Variants in DSG4 observed in about 807,000 individuals in gnomAD.
The protein encoded by DSG4 is desmoglein 4.
Under a neutral mutation model 93.1 loss-of-function variants are expected in DSG4, and 87 were observed. The observed-to-expected ratio is 0.93, with a 90% confidence interval of 0.79 to 1.12. The LOEUF is 1.12. DSG4 is among the 50% of genes most tolerant of loss of function. DSG4 has a pLI of 0.00. For missense variants in DSG4, 1,373 were observed against 1,285.7 expected (o/e 1.07, Z -1.04); for synonymous variants, 432 against 452.9 (o/e 0.95, Z 0.59).
intron 2 of DSG4, among the ~76,000 whole-genome samples, chr18:31,385,566 T>C (rs529694620): frequency 6.6e-6 from 1 of 152,262 alleles, no homozygotes; most frequent in African/African-American, 2.4e-5. Flanking sequence ...TAATCCCAAC[T>C]AAATGGAAAA....
intron 3 of DSG4, among the ~76,000 whole-genome samples, chr18:31,387,384 G>A (rs1401936197): frequency 1.3e-5 from 2 of 152,132 alleles, no homozygotes; most frequent in Non-Finnish European, 2.9e-5. Context: ...ATCCTGAACA[G>A]TAAAGTGATC....
intron 14 of DSG4, 168 bp from the exon 15 acceptor site, chr18:31,411,063 A>G: frequency 6.6e-7 from 1 of 1,523,234 alleles, no homozygotes; most frequent in Non-Finnish European, 8.8e-7. Context: ...TTATTTGGTC[A>G]ACAAGCCTGG....
chr18:31,406,381 C>T lies in DSG4; in HGVS notation c.1933+8C>T, dbSNP rs747598460. 4 of 1,614,080 alleles carry T rather than the reference C, an allele frequency of 2.5e-6. No homozygotes were observed. The highest frequency in any genetic ancestry group is 3.4e-6 in the Non-Finnish European group (4 of 1,180,024). On this transcript the variant is annotated splice_region_variant and intron_variant, in intron 12 of 15. Coordinates refer to ENST00000308128, the MANE Select transcript of DSG4 (RefSeq NM_177986.5). ...GCATCCTGCTACTGATTTGTAAGTA[C>T]TCAATTAAATCCTTCTTTTCAATAG...
intron 1 of DSG4, among the ~76,000 whole-genome samples, chr18:31,377,927 C>G (rs989412483): frequency 1.3e-5 from 2 of 152,212 alleles, no homozygotes; most frequent in Non-Finnish European, 2.9e-5. Flanking sequence ...GGCAATTATA[C>G]CAGACTCCTC....
In DSG4 at chr18:31,399,399, A is replaced by G; in HGVS notation, c.1133A>G (p.Asp378Gly). ...ACCCCTGTGAGAATTCAAGTTGTTG[A>G]TGTGAGAGAAGGACCTGCATTTCAT... ...HPTPVRIQVV[D>G]VREGPAFHPS... Residue 378 changes from aspartate to glycine, a missense_variant, in exon 9 of 16, where the codon GAT (aspartate) becomes GGT (glycine). Transcript: ENST00000308128. 1 of 1,614,118 alleles carries G rather than the reference A, an allele frequency of 6.2e-7. No homozygotes were observed. Among genetic ancestry groups the G allele is most frequent in the Non-Finnish European group, 8.5e-7 (1 of 1,179,968 alleles).
intron 4 of DSG4, 100 bp downstream of exon 4, chr18:31,388,622 G>A (rs1023602402): frequency 2.0e-6 from 3 of 1,506,902 alleles, no homozygotes; most frequent in Non-Finnish European, 2.7e-6. Flanking sequence ...ATAAAACATG[G>A]CAGACTGAAC....
intron 14 of DSG4, 98 bp from the exon 15 acceptor site, chr18:31,411,133 G>A (rs772656413): frequency 5.0e-5 from 80 of 1,612,540 alleles, no homozygotes; most frequent in Non-Finnish European, 6.4e-5. Context: ...ACGCCTTGCC[G>A]GGTGGTGGTG....
rs374202878 is a variant in DSG4, at chr18:31,390,836, T to C, written c.684+14T>C. On this transcript the variant is annotated intron_variant, in intron 6 of 15. Coordinates refer to ENST00000308128, the MANE Select transcript of DSG4 (RefSeq NM_177986.5). ...TTGGACAGAGAGGTAAAGCCTTCTG[T>C]GAATGAACAAGAACTAAAAAATTCA... 8.7e-6 allele frequency: 14 copies of C among 1,612,032 alleles called. No homozygotes were observed. The highest frequency in any genetic ancestry group is 9.3e-6 in the Non-Finnish European group (11 of 1,178,984).
chr18:31,386,427 C>T (rs1043981878), intron 2 of DSG4, among the ~76,000 whole-genome samples: 3 of 152,122 alleles, frequency 2.0e-5, no homozygotes, highest in African/African-American at 7.2e-5. Flanking sequence ...CAGTATGGCA[C>T]ATCATGAGCT....
rs59818622 is a variant in DSG4 at position 31,413,721 on chromosome 18, G to A, written c.*126G>A. The A allele has an allele frequency of 3.8e-3, 4,862 of 1,284,246 alleles. 145 individuals carry two copies. In the African/African-American group the frequency reaches 0.065, roughly 17 times the overall value. The allele number at this position is 1,284,246 out of a possible 1,614,324, so 79.6% of individuals were successfully genotyped here. On this transcript the variant is annotated 3_prime_UTR_variant, in exon 16 of 16. Transcript: ENST00000308128. Reference sequence around the variant, plus strand: ...AATACTCAGATATTCTAAGGTCAATGCCATTATTTGATTATACCATTTTGA... The same window carrying A: ...AATACTCAGATATTCTAAGGTCAATACCATTATTTGATTATACCATTTTGA...
In DSG4 at chr18:31,411,309, G is replaced by C. The variant is rs1424462173; in HGVS notation, c.2216G>C (p.Gly739Ala). Residue 739 changes from glycine (G) to alanine (A), a missense_variant, in exon 15 of 16, where the codon GGG becomes GCG. By Grantham distance (60) the Gly-to-Ala change is moderately conservative. Coordinates refer to ENST00000308128, the MANE Select transcript of DSG4 (RefSeq NM_177986.5). ...GGAGTGGAGCTCAACACAGGTATGG[G>C]GACAGCCGTTGGCCTCATGGCCGCA... Reference protein sequence around the residue: ...VSGVELNTGMGTAVGLMAAGA... With the variant: ...VSGVELNTGMATAVGLMAAGA... 1.2e-6 allele frequency: 2 copies of C among 1,612,368 alleles called. No individual in the cohort carries two copies. Among genetic ancestry groups the C allele is most frequent in the Non-Finnish European group, 1.7e-6 (2 of 1,180,006 alleles).
At chr18:31,412,727 C>T (rs553742993) in intron 15 of DSG4, 101 bp from the exon 16 acceptor site, 53 of 1,232,896 alleles carry the variant, frequency 4.3e-5, no homozygotes, top group Admixed American at 2.2e-4. Flanking sequence ...CAGTTTATTC[C>T]GTAACAACTT....
Position 31,411,295 on chromosome 18 carries a change from C to G in DSG4, c.2202C>G (p.Leu734=). ...AAGGAGGTGTATCGGGAGTGGAGCT[C>G]AACACAGGTATGGGGACAGCCGTTG... The part of the protein sequence containing the change: ...TVEGGVSGVE[L]NTGMGTAVGL... The change falls in exon 15 of 16, where the codon CTC becomes CTG. Residue 734 remains leucine (L), a synonymous_variant. Transcript: ENST00000308128. 2 of 1,612,784 alleles carry G rather than the reference C, an allele frequency of 1.2e-6. No homozygotes were observed. The highest frequency in any genetic ancestry group is 1.7e-6 in the Non-Finnish European group (2 of 1,180,002).
At chr18:31,399,250 T>G in intron 8 of DSG4, 22 bp from the exon 9 acceptor site, 1 of 1,613,610 alleles carries the variant, frequency 6.2e-7, no homozygotes, top group South Asian at 1.1e-5. Flanking sequence ...GTTTCAGAGT[T>G]TTTTATTTTC....
In DSG4 at chr18:31,392,303, A is replaced by G. The variant is rs767724665; in HGVS notation, c.968A>G (p.Asp323Gly). 2 of 1,613,810 alleles carry G rather than the reference A, an allele frequency of 1.2e-6. No individual in the cohort carries two copies. Among genetic ancestry groups the G allele is most frequent in the East Asian group, 4.5e-5 (2 of 44,782 alleles). Residue 323 changes from aspartate to glycine, a missense_variant, in exon 8 of 16, where the codon GAT becomes GGT. Asp to Gly is a moderately conservative substitution (Grantham distance 94). Coordinates refer to ENST00000308128, the MANE Select transcript of DSG4 (RefSeq NM_177986.5). The stretch of plus-strand genomic sequence containing the variant: ...GGGAATTGGTTCGATATTCAAACAG[A>G]TCCACAAACCAATGAAGGCATTTTG... ...NDGNWFDIQT[D>G]PQTNEGILKV...
chr18:31,390,795 C>A lies in DSG4; in HGVS notation c.657C>A (p.Cys219Ter). ...TGAATAGGTACACTGGAGAAGTCTG[C>A]ACCATGTCCAGTTTCTTGGACAGAG... ...FILNRYTGEVCTMSSFLDREQ... is the reference protein window; with the variant it reads ...FILNRYTGEV The change falls in exon 6 of 16, where the codon TGC becomes TGA. Residue 219 changes from cysteine to a stop codon, truncating the protein, a stop_gained. Transcript: ENST00000308128. LOFTEE classifies it high-confidence loss of function. The A allele has an allele frequency of 1.9e-6, 3 of 1,613,676 alleles. No homozygotes were observed. The highest frequency in any genetic ancestry group is 2.5e-6 in the Non-Finnish European group (3 of 1,179,738).
At chr18:31,382,466 G>C (rs2072146530) in intron 1 of DSG4, 1 of 152,214 alleles carries the variant, frequency 6.6e-6, no homozygotes, top group Non-Finnish European at 1.5e-5. Flanking sequence ...TTGTAGGCAA[G>C]GAATTTCCAC....
At chr18:31,386,886 G>C in intron 3 of DSG4, 67 bp downstream of exon 3, 1 of 1,605,414 alleles carries the variant, frequency 6.2e-7, no homozygotes, top group South Asian at 1.1e-5. Context: ...ATATCTCCAA[G>C]ATTTGCAGGC....
chr18:31,381,817 C>G (rs550167196), intron 1 of DSG4, among the ~76,000 whole-genome samples: 2 of 150,198 alleles, frequency 1.3e-5, no homozygotes. Context: ...CCCGCCACCA[C>G]GCCCAGCTAA....
Sources: gnomAD v4.1 joint callset for allele counts (sites outside exome capture counted in the v4.1 genomes callset) on GRCh38, gnomAD v4.1.1 for gene constraint, MANE v1.5 for transcripts, NCBI Gene and HGNC (gene_info 2026-07-23, HGNC 2026-07-21) for gene names.